Variants in SLAMF1 observed in about 807,000 individuals in gnomAD.
The protein encoded by SLAMF1 is signaling lymphocytic activation molecule.
In SLAMF1, 18 loss-of-function variants were observed where a neutral mutation model predicts 35.1. The observed-to-expected ratio is 0.51, with a 90% CI of 0.35 to 0.76. The LOEUF is 0.76. SLAMF1 is among the 30% of genes least tolerant of loss of function. SLAMF1 has a pLI of 0.01. For synonymous variants in SLAMF1, 168 were observed against 157.2 expected (o/e 1.07, Z -0.51); for missense variants, 392 against 413.0 (o/e 0.95, Z 0.44).
chr1:160,632,833 A>G (rs922215074), intron 3 of SLAMF1, among the ~76,000 whole-genome samples: 2 of 152,190 alleles, frequency 1.3e-5, no homozygotes, highest in Non-Finnish European at 2.9e-5. Context: ...TAAGTGCTTT[A>G]TCTCTTTCAC....
At chr1:160,616,977 G>A (rs1659333648) in intron 5 of SLAMF1, among the ~76,000 whole-genome samples, 3 of 152,066 alleles carry the variant, frequency 2.0e-5, no homozygotes, top group South Asian at 2.1e-4. Context: ...CCAACATGGT[G>A]AAATACTGTC....
At chr1:160,641,975 A>G (rs894823000) in intron 1 of SLAMF1, among the ~76,000 whole-genome samples, 15 of 152,242 alleles carry the variant, frequency 9.9e-5, no homozygotes, top group Non-Finnish European at 7.3e-5. Flanking sequence ...AGTAGGATTT[A>G]GCCAACCCTC....
chr1:160,632,982 G>T (rs1364514677), intron 3 of SLAMF1, among the ~76,000 whole-genome samples: 1 of 152,036 alleles, frequency 6.6e-6, no homozygotes, highest in African/African-American at 2.4e-5. Flanking sequence ...TTGCTGTGAG[G>T]ATTAACTGAG....
Position 160,612,553 on chromosome 1 carries a change from G to A in SLAMF1, c.892C>T (p.Pro298Ser), listed in dbSNP as rs754002045. The change falls in exon 6 of 7, where the codon CCA (proline) becomes TCA (serine). Residue 298 changes from proline (P) to serine (S), a missense_variant. Transcript: ENST00000302035. Reference protein sequence around the residue: ...GPLQKKLDSFPAQDPCTTIYV... With the variant: ...GPLQKKLDSFSAQDPCTTIYV... ...ATGGTGGTGCAAGGGTCCTGAGCTGGGAAGGAGTCAAGTTTCTTCTGAAGA... is the reference window on the plus strand; with the variant it reads ...ATGGTGGTGCAAGGGTCCTGAGCTGAGAAGGAGTCAAGTTTCTTCTGAAGA... 1.9e-6 allele frequency: 3 copies of A among 1,612,862 alleles called. No homozygotes were observed. Among genetic ancestry groups the A allele is most frequent in the Non-Finnish European group, 2.5e-6 (3 of 1,179,342 alleles).
chr1:160,618,317 C>T (rs1659421441), intron 5 of SLAMF1, among the ~76,000 whole-genome samples: 1 of 152,010 alleles, frequency 6.6e-6, no homozygotes, highest in Non-Finnish European at 1.5e-5. Context: ...ACTCACTGAG[C>T]TGACATTAAT....
At chr1:160,644,256 C>T (rs1660912569) in intron 1 of SLAMF1, among the ~76,000 whole-genome samples, 1 of 152,194 alleles carries the variant, frequency 6.6e-6, no homozygotes, top group African/African-American at 2.4e-5. Flanking sequence ...ATTCTCTCCA[C>T]CCCTGCTTCC....
At chr1:160,627,729 C>T (rs1249486385) in intron 3 of SLAMF1, among the ~76,000 whole-genome samples, 1 of 152,106 alleles carries the variant, frequency 6.6e-6, no homozygotes, top group Non-Finnish European at 1.5e-5. Context: ...GAGTAATTTC[C>T]TCATGGTTCT....
chr1:160,618,403 AGTGTGT>A (rs149042392), intron 5 of SLAMF1, among the ~76,000 whole-genome samples: 13 of 149,640 alleles, frequency 8.7e-5, no homozygotes, highest in African/African-American at 2.9e-4. Flanking sequence ...TGTGAGAGTG[AGTGTGT>A]GTGTGTGTGT....
intron 4 of SLAMF1, among the ~76,000 whole-genome samples, chr1:160,620,368 C>T (rs1001658972): frequency 8.6e-5 from 13 of 151,756 alleles, no homozygotes; most frequent in African/African-American, 2.2e-4. Flanking sequence ...GAGGTAAGGG[C>T]GGGGGGACGT....
At chr1:160,611,666 C>A (rs189880576) in intron 6 of SLAMF1, among the ~76,000 whole-genome samples, 1 of 152,264 alleles carries the variant, frequency 6.6e-6, no homozygotes, top group Middle Eastern at 3.4e-3. Context: ...GATTCCTGTC[C>A]GAAGTAAACT....
chr1:160,620,790 T>C (rs185188390), intron 4 of SLAMF1, among the ~76,000 whole-genome samples: 43 of 152,344 alleles, frequency 2.8e-4, no homozygotes, highest in Non-Finnish European at 5.0e-4. Context: ...ATGTTCCATA[T>C]CTGCAGTGTC....
chr1:160,641,476 TA>T (rs1193284237), intron 1 of SLAMF1, among the ~76,000 whole-genome samples: 3 of 149,426 alleles, frequency 2.0e-5, no homozygotes, highest in East Asian at 3.9e-4. Context: ...AATAAAAAAA[TA>T]AAAAAATAAA....
chr1:160,631,989 G>C lies in SLAMF1; in HGVS notation c.700+2624C>G, dbSNP rs185730278. ...ACATAGAGAGAAGATGATATGAAGA[G>C]ACAAGGAGAAGACAGCCATTTACAA... On this transcript the variant is annotated intron_variant, in intron 3 of 6. Coordinates refer to ENST00000302035, the MANE Select transcript of SLAMF1 (RefSeq NM_003037.5). Among the ~76,000 whole-genome samples, 4 of 152,014 alleles carry C rather than the reference G, an allele frequency of 2.6e-5. No individual in the cohort carries two copies. The East Asian group carries it at 5.8e-4, about 22-fold the overall frequency.
At chr1:160,638,316 A>G (rs1660559479) in intron 1 of SLAMF1, among the ~76,000 whole-genome samples, 1 of 152,174 alleles carries the variant, frequency 6.6e-6, no homozygotes, top group Non-Finnish European at 1.5e-5. Flanking sequence ...TAGAAAACAC[A>G]AAAAGAGAAC....
chr1:160,644,168 A>G (rs984731322), intron 1 of SLAMF1, among the ~76,000 whole-genome samples: 2 of 151,958 alleles, frequency 1.3e-5, no homozygotes, highest in African/African-American at 4.8e-5. Context: ...ATTTATTCCA[A>G]TTCAATTCAA....
At chr1:160,634,529 C>A (rs1660324275) in intron 3 of SLAMF1, 84 bp downstream of exon 3, 1 of 1,456,542 alleles carries the variant, frequency 6.9e-7, no homozygotes, top group Non-Finnish European at 9.3e-7. Context: ...AAGGTGAATG[C>A]CATGGCTGGG....
chr1:160,612,933 C>T (rs1420239808), intron 5 of SLAMF1, among the ~76,000 whole-genome samples: 2 of 152,076 alleles, frequency 1.3e-5, no homozygotes, highest in African/African-American at 2.4e-5. Context: ...GAATTTAGTC[C>T]GTCTCACTCA....
intron 1 of SLAMF1, among the ~76,000 whole-genome samples, 195 bp downstream of exon 1, chr1:160,646,675 T>C (rs1661053731): frequency 6.6e-6 from 1 of 152,134 alleles, no homozygotes; most frequent in Non-Finnish European, 1.5e-5. Flanking sequence ...TGGGGCTGAG[T>C]CTTGGAAACC....
At chr1:160,618,658 GC>G (rs1350328982) in intron 5 of SLAMF1, among the ~76,000 whole-genome samples, 2 of 152,102 alleles carry the variant, frequency 1.3e-5, no homozygotes, top group African/African-American at 2.4e-5. Context: ...ACTGATGAAT[GC>G]CACTGAATTT....
Sources: allele counts gnomAD v4.1 joint callset (sites outside exome capture counted in the v4.1 genomes callset), GRCh38; gene constraint gnomAD v4.1.1; transcripts MANE v1.5; gene names NCBI Gene and HGNC (gene_info 2026-07-23, HGNC 2026-07-21).